The following HNRNPLL variants were observed in gnomAD, a reference collection of about 807,000 sequenced individuals.
HNRNPLL encodes the protein heterogeneous nuclear ribonucleoprotein L-like.
Under a neutral mutation model 67.1 loss-of-function variants are expected in HNRNPLL, and 25 were observed. That is an observed-to-expected ratio of 0.37 (90% CI 0.27 to 0.52). The LOEUF (loss-of-function observed/expected upper bound fraction) is 0.52. HNRNPLL is among the 20% of genes least tolerant of loss of function. The pLI is 0.90. For synonymous variants in HNRNPLL, 267 were observed against 241.7 expected (o/e 1.10, Z -0.97); for missense variants, 542 against 673.9 (o/e 0.80, Z 2.17).
chr2:38,573,539 T>C lies in HNRNPLL; in HGVS notation c.875-112A>G, dbSNP rs992310469. 21 of 686,800 alleles carry C rather than the reference T, an allele frequency of 3.1e-5. No individual in the cohort carries two copies. In the African/African-American group the frequency reaches 3.7e-4, roughly 12 times the overall value. The allele number at this position is 686,800 out of a possible 1,614,324, so 42.5% of individuals were successfully genotyped here. ...CAAAAAATAAACTCTTAATATTAGC[T>C]AGTTTGATGTACAAAGAAAACTCAA... On this transcript the variant is annotated intron_variant, in intron 7 of 12. Transcript: ENST00000449105.
chr2:38,599,975 T>A (rs1667357745), intron 1 of HNRNPLL: 1 of 459,646 alleles, frequency 2.2e-6, no homozygotes, highest in Non-Finnish European at 4.5e-6. Flanking sequence ...TGCAAAACCC[T>A]TTTCGGTTAC....
intron 1 of HNRNPLL, among the ~76,000 whole-genome samples, chr2:38,598,887 C>T (rs1003386682): frequency 1.3e-5 from 2 of 152,234 alleles, no homozygotes; most frequent in Non-Finnish European, 2.9e-5. Flanking sequence ...GGAGGAGACA[C>T]AAGACACTAC....
rs200026198 is a variant in HNRNPLL, at chr2:38,585,903, A to T, written c.309-22T>A. On this transcript the variant is annotated intron_variant, in intron 2 of 12. Coordinates refer to ENST00000449105, the MANE Select transcript of HNRNPLL (RefSeq NM_138394.4). ...ATAGCTGAAAAGGGAGAAAAGGAGGAAACACACAAACACAGCAAGTTCCGT... is the reference window on the plus strand; with the variant it reads ...ATAGCTGAAAAGGGAGAAAAGGAGGTAACACACAAACACAGCAAGTTCCGT... 532 of 1,306,458 alleles carry T rather than the reference A, an allele frequency of 4.1e-4. 1 individual carries two copies. The Middle Eastern group carries it at 6.2e-3, about 15-fold the overall frequency. The allele number at this position is 1,306,458 out of a possible 1,614,324, so 80.9% of individuals were successfully genotyped here. A position where few individuals can be genotyped will look rare whatever the true frequency, so the allele number is the denominator to read the frequency against.
chr2:38,575,476 A>C (rs993869453), intron 7 of HNRNPLL, among the ~76,000 whole-genome samples: 1 of 151,858 alleles, frequency 6.6e-6, no homozygotes, highest in Non-Finnish European at 1.5e-5. Flanking sequence ...TACAGCAAAT[A>C]AATCTATGTA....
chr2:38,586,008 T>C (rs965737976), intron 2 of HNRNPLL, 127 bp from the exon 3 acceptor site: 9 of 685,728 alleles, frequency 1.3e-5, no homozygotes, highest in Admixed American at 2.3e-5. Context: ...TCACTACCTG[T>C]GTCCAACGTA....
chr2:38,591,281 T>C (rs1260928722), intron 2 of HNRNPLL, among the ~76,000 whole-genome samples: 2 of 152,176 alleles, frequency 1.3e-5, no homozygotes, highest in East Asian at 1.9e-4. Flanking sequence ...ATAATTTCTT[T>C]ATACAACTTT....
intron 1 of HNRNPLL, among the ~76,000 whole-genome samples, chr2:38,597,568 G>C (rs1378353887): frequency 6.6e-6 from 1 of 151,952 alleles, no homozygotes; most frequent in Non-Finnish European, 1.5e-5. Context: ...TTTTCTCTTT[G>C]TAAAGAAGCA....
intron 1 of HNRNPLL, among the ~76,000 whole-genome samples, chr2:38,592,415 A>G (rs959965355): frequency 3.3e-5 from 5 of 152,204 alleles, no homozygotes; most frequent in African/African-American, 1.2e-4. Flanking sequence ...TTCTTGTTTA[A>G]TTGGTTATCT....
chr2:38,596,321 G>C (rs1336032772), intron 1 of HNRNPLL, among the ~76,000 whole-genome samples: 1 of 96,954 alleles, frequency 1.0e-5, no homozygotes, highest in Admixed American at 1.2e-4. Flanking sequence ...GGAGTGCAGT[G>C]GCACAAGGTC....
At position 38,563,294 on chromosome 2, in the gene HNRNPLL, T is replaced by A. The variant is rs144336899; in HGVS notation, c.*888A>T. On this transcript the variant is annotated 3_prime_UTR_variant, in exon 13 of 13. Transcript: ENST00000449105. ...CTTGTACCATATAGAAAAATACATA[T>A]TACTGATGGATCCAAGAGTTAAAAA... 448 of 152,128 alleles carry A rather than the reference T, an allele frequency of 2.9e-3. 5 individuals carry two copies. Among genetic ancestry groups the A allele is most frequent in the African/African-American group, 0.01 (427 of 41,536 alleles). The allele number at this position is 152,128 out of a possible 1,614,324, so 9.4% of individuals were successfully genotyped here. A position where few individuals can be genotyped will look rare whatever the true frequency, so the allele number is the denominator to read the frequency against.
intron 1 of HNRNPLL, among the ~76,000 whole-genome samples, chr2:38,592,281 C>A (rs1488231066): frequency 2.0e-5 from 3 of 152,070 alleles, no homozygotes; most frequent in Non-Finnish European, 4.4e-5. Context: ...TACTCATTAA[C>A]CTCCATAAAA....
intron 6 of HNRNPLL, among the ~76,000 whole-genome samples, chr2:38,580,535 T>C (rs1666483212): frequency 6.6e-6 from 1 of 152,208 alleles, no homozygotes; most frequent in Admixed American, 6.5e-5. Flanking sequence ...AGGTATTTTG[T>C]ATGCCATAAA....
chr2:38,575,332 T>G (rs1666259326), intron 7 of HNRNPLL, among the ~76,000 whole-genome samples: 1 of 151,838 alleles, frequency 6.6e-6, no homozygotes, highest in African/African-American at 2.4e-5. Context: ...TTTAAAAAAC[T>G]GACATGGAAA....
intron 2 of HNRNPLL, among the ~76,000 whole-genome samples, chr2:38,589,085 G>A (rs1429997427): frequency 6.6e-6 from 1 of 152,158 alleles, no homozygotes; most frequent in Non-Finnish European, 1.5e-5. Context: ...TTTAATGGGA[G>A]AGAAGGGGAA....
Position 38,562,154 on chromosome 2 carries a change from G to A in HNRNPLL, c.*2028C>T, listed in dbSNP as rs574957939. ...CAGAGAAGAATGTTGCCAAGGCTAA[G>A]GAAAGAGAGAGTATTCACAAAGCAA... On this transcript the variant is annotated 3_prime_UTR_variant, in exon 13 of 13. Coordinates refer to ENST00000449105, the MANE Select transcript of HNRNPLL (RefSeq NM_138394.4). The A allele has an allele frequency of 6.6e-6, 1 of 152,138 alleles. No homozygotes were observed. Among genetic ancestry groups the A allele is most frequent in the Non-Finnish European group, 1.5e-5 (1 of 68,002 alleles). The allele number at this position is 152,138 out of a possible 1,614,324, so 9.4% of individuals were successfully genotyped here. A position where few individuals can be genotyped will look rare whatever the true frequency, so the allele number is the denominator to read the frequency against.
chr2:38,567,159 A>G (rs1665894016), intron 12 of HNRNPLL, among the ~76,000 whole-genome samples: 1 of 152,168 alleles, frequency 6.6e-6, no homozygotes, highest in South Asian at 2.1e-4. Flanking sequence ...GCTGGAGGGC[A>G]ATGGCGTGAT....
chr2:38,602,908 C>G lies in HNRNPLL; in HGVS notation c.-282G>C, dbSNP rs561083331. The G allele has an allele frequency of 5.2e-6, 8 of 1,535,528 alleles. No individual in the cohort carries two copies. Among genetic ancestry groups the G allele is most frequent in the Middle Eastern group, 3.3e-4 (2 of 5,980 alleles). On this transcript the variant is annotated 5_prime_UTR_variant, in exon 1 of 13. Coordinates refer to ENST00000449105, the MANE Select transcript of HNRNPLL (RefSeq NM_138394.4). Reference sequence around the variant, plus strand: ...TCCTCCTCCGTCTCCGCTCCCTGCCCGGAGGAGCGAATCTAAGGATGGGGA... The same window carrying G: ...TCCTCCTCCGTCTCCGCTCCCTGCCGGGAGGAGCGAATCTAAGGATGGGGA...
At chr2:38,590,922 C>T (rs1170128264) in intron 2 of HNRNPLL, among the ~76,000 whole-genome samples, 2 of 152,054 alleles carry the variant, frequency 1.3e-5, no homozygotes, top group Non-Finnish European at 2.9e-5. Flanking sequence ...GGAGGATAAC[C>T]TGGGCTCAGG....
chr2:38,594,119 G>A (rs1412536451), intron 1 of HNRNPLL, among the ~76,000 whole-genome samples: 2 of 152,010 alleles, frequency 1.3e-5, no homozygotes, highest in East Asian at 3.9e-4. Context: ...AGCTTGCAGT[G>A]AGCCGAGATT....
Sources: allele counts gnomAD v4.1 joint callset (sites outside exome capture counted in the v4.1 genomes callset), GRCh38; gene constraint gnomAD v4.1.1; transcripts MANE v1.5; gene names NCBI Gene and HGNC (gene_info 2026-07-23, HGNC 2026-07-21).